Variants in MAP2K5 observed in about 807,000 individuals in gnomAD.
The protein encoded by MAP2K5 is mitogen-activated protein kinase kinase 5.
Under a neutral mutation model 83.1 loss-of-function variants are expected in MAP2K5, and 49 were observed. That is an observed-to-expected ratio of 0.59 (90% CI 0.47 to 0.75). The LOEUF (loss-of-function observed/expected upper bound fraction) is 0.75. MAP2K5 is among the 30% of genes least tolerant of loss of function. MAP2K5 has a pLI of 0.00. For synonymous variants in MAP2K5, 202 were observed against 191.8 expected (o/e 1.05, Z -0.44); for missense variants, 457 against 557.5 (o/e 0.82, Z 1.82).
intron 2 of MAP2K5, among the ~76,000 whole-genome samples, chr15:67,554,084 G>T (rs576010730): frequency 1.4e-4 from 22 of 152,024 alleles, no homozygotes; most frequent in African/African-American, 3.9e-4. Context: ...TTTTGAAATG[G>T]TCTGGCTCTG....
chr15:67,768,401 A>G lies in MAP2K5; in HGVS notation c.1135-1201A>G, dbSNP rs1384870073. Among the ~76,000 whole-genome samples the G allele has an allele frequency of 6.6e-6, 1 of 152,176 alleles. No homozygotes were observed. Among genetic ancestry groups the G allele is most frequent in the Non-Finnish European group, 1.5e-5 (1 of 68,028 alleles). ...CTCGTTCTCAATAATGAATACATGCATGCATTTGACACAGTTGTGTGCTAG... is the reference window on the plus strand; with the variant it reads ...CTCGTTCTCAATAATGAATACATGCGTGCATTTGACACAGTTGTGTGCTAG... On this transcript the variant is annotated intron_variant, in intron 19 of 21. Transcript: ENST00000178640. This position sits in a 1 kb window ranked among gnomAD's most constrained non-coding sequence, Gnocchi z 4.0.
At position 67,738,277 on chromosome 15, in the gene MAP2K5, G is replaced by A. The variant is rs2089390474; in HGVS notation, c.1075-9954G>A. The stretch of plus-strand genomic sequence containing the variant: ...AACAAGTTGCAGAGAGCACTCTTCT[G>A]GGCATAAGGCATGAGGCGACCTGGA... On this transcript the variant is annotated intron_variant, in intron 17 of 21. Transcript: ENST00000178640. This position sits in a 1 kb window ranked among gnomAD's most constrained non-coding sequence, Gnocchi z 4.1. Among the ~76,000 whole-genome samples, 1 of 152,190 alleles carries A rather than the reference G, an allele frequency of 6.6e-6. No individual in the cohort carries two copies. Among genetic ancestry groups the A allele is most frequent in the African/African-American group, 2.4e-5 (1 of 41,434 alleles).
At chr15:67,704,686 ATGG>A (rs924795603) in intron 16 of MAP2K5, among the ~76,000 whole-genome samples, 2 of 152,328 alleles carry the variant, frequency 1.3e-5, no homozygotes, top group African/African-American at 4.8e-5. Context: ...GTTAGCGATA[ATGG>A]TGGTCAGATC....
chr15:67,615,557 T>C (rs1264635271), intron 8 of MAP2K5, among the ~76,000 whole-genome samples: 5 of 152,178 alleles, frequency 3.3e-5, no homozygotes, highest in African/African-American at 1.2e-4. Flanking sequence ...ATGGCTACTT[T>C]AGTATGTGAC....
rs2089390677 is a variant in MAP2K5 at position 67,738,286 on chromosome 15, G to A, written c.1075-9945G>A. The stretch of plus-strand genomic sequence containing the variant: ...CAGAGAGCACTCTTCTGGGCATAAG[G>A]CATGAGGCGACCTGGACTCCAGGCC... On this transcript the variant is annotated intron_variant, in intron 17 of 21. Coordinates refer to ENST00000178640, the MANE Select transcript of MAP2K5 (RefSeq NM_145160.3). This position sits in a 1 kb window ranked among gnomAD's most constrained non-coding sequence, Gnocchi z 4.1. Among the ~76,000 whole-genome samples the A allele has an allele frequency of 6.6e-6, 1 of 152,174 alleles. No individual in the cohort carries two copies.
rs896820616 is a variant in MAP2K5 at position 67,748,074 on chromosome 15, G to A, written c.1075-157G>A. On this transcript the variant is annotated intron_variant, in intron 17 of 21. Coordinates refer to ENST00000178640, the MANE Select transcript of MAP2K5 (RefSeq NM_145160.3). This position sits in a 1 kb window ranked among gnomAD's most constrained non-coding sequence, Gnocchi z 4.0. The stretch of plus-strand genomic sequence containing the variant: ...TGACTTTCGCCTATAAATGAGAAGC[G>A]AGCTATTAACATTTGTGTATTTTCA... Among the ~76,000 whole-genome samples, 4 of 152,102 alleles carry A rather than the reference G, an allele frequency of 2.6e-5. No homozygotes were observed. The highest frequency in any genetic ancestry group is 4.8e-5 in the African/African-American group (2 of 41,400).
At chr15:67,583,129 T>C (rs2085217678) in intron 4 of MAP2K5, among the ~76,000 whole-genome samples, 1 of 152,200 alleles carries the variant, frequency 6.6e-6, no homozygotes, top group Non-Finnish European at 1.5e-5. Flanking sequence ...GATGAGAATA[T>C]TGAGATTCAG....
At chr15:67,594,476 G>T (rs992637599) in intron 7 of MAP2K5, among the ~76,000 whole-genome samples, 1 of 152,108 alleles carries the variant, frequency 6.6e-6, no homozygotes. Flanking sequence ...AACTACATTT[G>T]TCCAGCCCAG....
chr15:67,578,973 G>A (rs913621736), intron 3 of MAP2K5, among the ~76,000 whole-genome samples: 7 of 152,224 alleles, frequency 4.6e-5, no homozygotes, highest in Middle Eastern at 3.4e-3. Flanking sequence ...TTTATTTCTA[G>A]GATAATGGCA....
chr15:67,727,090 C>G (rs1055941840), intron 16 of MAP2K5, among the ~76,000 whole-genome samples: 9 of 152,056 alleles, frequency 5.9e-5, no homozygotes, highest in African/African-American at 2.2e-4. Context: ...TCCCAGCTAC[C>G]TTGGGAGGCT....
At chr15:67,678,962 CA>C (rs35828534) in intron 13 of MAP2K5, among the ~76,000 whole-genome samples, 23 of 115,948 alleles carry the variant, frequency 2.0e-4, no homozygotes, top group East Asian at 5.2e-4. Context: ...CACTGCATCT[CA>C]AAAAAAAAAA....
At position 67,636,325 on chromosome 15, in the gene MAP2K5, G is replaced by A. The variant is rs910881339; in HGVS notation, c.585+5398G>A. 2.0e-5 allele frequency among the ~76,000 whole-genome samples: 3 copies of A among 151,740 alleles called. No individual in the cohort carries two copies. The highest frequency in any genetic ancestry group is 4.8e-5 in the African/African-American group (2 of 41,274). ...CAGGAGGCTGAAGCAGGAGAATGGC[G>A]TGAACCTGGGAAGTGGAGCTTGCAG... On this transcript the variant is annotated intron_variant, in intron 9 of 21. Transcript: ENST00000178640. This position sits in a 1 kb window ranked among gnomAD's most constrained non-coding sequence, Gnocchi z 4.7.
chr15:67,696,620 C>T (rs2088268945), intron 15 of MAP2K5, among the ~76,000 whole-genome samples: 1 of 152,160 alleles, frequency 6.6e-6, no homozygotes, highest in Non-Finnish European at 1.5e-5. Context: ...GGGAACACGA[C>T]ATTATATGTA....
chr15:67,575,924 T>C lies in MAP2K5; in HGVS notation c.253-4830T>C, dbSNP rs200507054. ...TCTTTCTTTCTTTCTTTCTTTTTTT[T>C]TTTTTTTTTTTTTAAGATGGAGTCT... On this transcript the variant is annotated intron_variant, in intron 3 of 21. Transcript: ENST00000178640. Among the ~76,000 whole-genome samples the C allele has an allele frequency of 8.6e-4, 10 of 11,610 alleles. 1 individual carries two copies. The highest frequency in any genetic ancestry group is 1.9e-3 in the Admixed American group (2 of 1,036). 7.6% of individuals were successfully genotyped at this position (11,610 alleles called of 152,430 possible).
chr15:67,796,810 T>C (rs1216904689), intron 21 of MAP2K5, among the ~76,000 whole-genome samples: 1 of 152,198 alleles, frequency 6.6e-6, no homozygotes, highest in Non-Finnish European at 1.5e-5. Flanking sequence ...TTCTCACTCA[T>C]GTTAAAGCAG....
rs936128861 is a variant in MAP2K5, at chr15:67,663,070, A to G, written c.799-1527A>G. On this transcript the variant is annotated intron_variant, in intron 12 of 21. Coordinates refer to ENST00000178640, the MANE Select transcript of MAP2K5 (RefSeq NM_145160.3). ...GTTTACCATATTGGGTTAAAAATCTATAAACATGTTTTTTCCTGAAACATT... is the reference window on the plus strand; with the variant it reads ...GTTTACCATATTGGGTTAAAAATCTGTAAACATGTTTTTTCCTGAAACATT... 3.9e-5 allele frequency among the ~76,000 whole-genome samples: 6 copies of G among 152,218 alleles called. 1 individual carries two copies. The highest frequency in any genetic ancestry group is 2.6e-4 in the Admixed American group (4 of 15,282).
intron 15 of MAP2K5, among the ~76,000 whole-genome samples, chr15:67,696,665 T>A (rs1372191152): frequency 6.6e-6 from 1 of 151,862 alleles, no homozygotes; most frequent in Non-Finnish European, 1.5e-5. Context: ...AGACTTAAGT[T>A]GTACCAAACA....
At position 67,806,577 on chromosome 15, in the gene MAP2K5, G is replaced by A; in HGVS notation, c.1243-69G>A. 5 of 1,350,140 alleles carry A rather than the reference G, an allele frequency of 3.7e-6. No individual in the cohort carries two copies. In the East Asian group the frequency reaches 1.3e-4, roughly 34 times the overall value. 83.6% of individuals were successfully genotyped at this position (1,350,140 alleles called of 1,614,324 possible). On this transcript the variant is annotated intron_variant, in intron 21 of 21. Coordinates refer to ENST00000178640, the MANE Select transcript of MAP2K5 (RefSeq NM_145160.3). The stretch of plus-strand genomic sequence containing the variant: ...GAGATCAGATCCAGGCTGAGGGCAG[G>A]CCCTGGAAAGTACAATGAGCGCGGG...
Position 67,543,470 on chromosome 15 carries a change from G to A in MAP2K5, c.135G>A (p.Leu45=). Residue 45 remains leucine, a splice_region_variant and synonymous_variant, in exon 1 of 22, where the codon CTG becomes CTA. Transcript: ENST00000178640. The surrounding 1 kb of genome is among the most constrained non-coding windows in gnomAD (Gnocchi z 4.3). ...CGCAGTTACTCTTCAGGGATGTGCT[G>A]GTGAGTGGTAATCTCAGTGTCCGGA... ...SGPQLLFRDV[L]DVIGQVLPEA... 1 of 1,614,154 alleles carries A rather than the reference G, an allele frequency of 6.2e-7. No individual in the cohort carries two copies. The highest frequency in any genetic ancestry group is 8.5e-7 in the Non-Finnish European group (1 of 1,180,012).
Sources: gnomAD v4.1 joint callset for allele counts (sites outside exome capture counted in the v4.1 genomes callset) on GRCh38, gnomAD v4.1.1 for gene constraint, Gnocchi (gnomAD v3.1) non-coding constraint, MANE v1.5 for transcripts, NCBI Gene and HGNC (gene_info 2026-07-23, HGNC 2026-07-21) for gene names.